ENPP2: variants seen among roughly 807,000 people sequenced by gnomAD.
ENPP2 encodes ectonucleotide pyrophosphatase/phosphodiesterase 2.
ENPP2 carries 51 observed loss-of-function variants against 120.2 expected under a neutral mutation model. That is an observed-to-expected ratio of 0.42 (90% CI 0.34 to 0.54). The LOEUF (loss-of-function observed/expected upper bound fraction) is 0.54. ENPP2 is among the 20% of genes least tolerant of loss of function. ENPP2 has a pLI of 0.04. For missense variants in ENPP2, 920 were observed against 1,066.5 expected, an observed-to-expected ratio of 0.86 and a Z score of 1.91; for synonymous variants, 365 against 366.4, an observed-to-expected ratio of 1.00 and a Z score of 0.04.
upstream of ENPP2, among the ~76,000 whole-genome samples, chr8:119,639,561 T>C (rs1417671190): frequency 6.6e-6 from 1 of 152,016 alleles, no homozygotes; most frequent in Non-Finnish European, 1.5e-5. Flanking sequence ...ATAACTTCAG[T>C]CTCTGCCTCT....
Position 119,619,260 on chromosome 8 carries a change from C to T in ENPP2, c.463G>A (p.Ala155Thr), listed in dbSNP as rs749836696. 1.4e-5 allele frequency: 23 copies of T among 1,611,490 alleles called. No homozygotes were observed. The highest frequency in any genetic ancestry group is 8.9e-5 in the East Asian group (4 of 44,840). ...TACACTTACCCTGCAGGGCATTCTG[C>T]GGCCTTTATTTCCTCACAGTCATCA... is the stretch of plus-strand genomic sequence containing the variant. The part of the protein sequence containing the change: ...VDDDCEEIKA[A>T]ECPAGFVRPP... Residue 155 changes from alanine (A) to threonine (T), a missense_variant, in exon 5 of 25, where the codon GCA becomes ACA. Transcript: ENST00000075322.
rs756251908 is a variant in ENPP2 at position 119,619,251 on chromosome 8, G to A, written c.472C>T (p.Pro158Ser). The A allele has an allele frequency of 1.1e-5, 18 of 1,609,256 alleles. No homozygotes were observed. The highest frequency in any genetic ancestry group is 1.5e-5 in the Non-Finnish European group (18 of 1,176,140). Reference sequence around the variant, plus strand: ...GTCATAAAATACACTTACCCTGCAGGGCATTCTGCGGCCTTTATTTCCTCA... The same window carrying A: ...GTCATAAAATACACTTACCCTGCAGAGCATTCTGCGGCCTTTATTTCCTCA... ...DCEEIKAAEC[P>S]AGFVRPPLII... is the part of the protein sequence containing the mutation. Residue 158 changes from proline (P) to serine (S), a missense_variant, in exon 5 of 25, where the codon CCT becomes TCT. Pro to Ser is a moderately conservative substitution (Grantham distance 74). Coordinates refer to ENST00000075322, the MANE Select transcript of ENPP2 (RefSeq NM_001040092.3).
intron 8 of ENPP2, among the ~76,000 whole-genome samples, chr8:119,615,517 C>T (rs976227334): frequency 1.3e-5 from 2 of 152,154 alleles, no homozygotes; most frequent in African/African-American, 2.4e-5. Context: ...CCACCTACAA[C>T]CCTTTTTATT....
At chr8:119,586,927 C>G in intron 14 of ENPP2, 117 bp downstream of exon 14, 1 of 776,914 alleles carries the variant, frequency 1.3e-6, no homozygotes, top group Non-Finnish European at 2.2e-6. Context: ...GATGGCAGGG[C>G]AGTGAGGAAA....
At chr8:119,631,002 C>A (rs1423759523) in intron 2 of ENPP2, among the ~76,000 whole-genome samples, 1 of 150,676 alleles carries the variant, frequency 6.6e-6, no homozygotes, top group African/African-American at 2.4e-5. Flanking sequence ...TCAAGTGATT[C>A]TCCTGCCTCA....
At chr8:119,616,202 G>A in intron 8 of ENPP2, 63 bp downstream of exon 8, 1 of 1,479,260 alleles carries the variant, frequency 6.8e-7, no homozygotes, top group South Asian at 1.4e-5. Context: ...ACAAATTTGG[G>A]GATGAAATGT....
chr8:119,605,454 G>A lies in ENPP2; in HGVS notation c.833+2468C>T, dbSNP rs541200554. On this transcript the variant is annotated intron_variant, in intron 9 of 24. Transcript: ENST00000075322. Reference sequence around the variant, plus strand: ...TATGTGTGTGTGTGTGTGTGTGTGTGTGTGTGTGTGTATTTTTTTTTTTGA... The same window carrying A: ...TATGTGTGTGTGTGTGTGTGTGTGTATGTGTGTGTGTATTTTTTTTTTTGA... 4.0e-5 allele frequency among the ~76,000 whole-genome samples: 6 copies of A among 149,882 alleles called. No individual in the cohort carries two copies. The South Asian group carries it at 1.1e-3, about 26-fold the overall frequency.
chr8:119,626,183 T>C (rs894239104), intron 3 of ENPP2, among the ~76,000 whole-genome samples: 1 of 152,154 alleles, frequency 6.6e-6, no homozygotes, highest in African/African-American at 2.4e-5. Flanking sequence ...CACAGTGAGA[T>C]GCTATCTCTT....
rs1237761188 is a variant in ENPP2 at position 119,571,944 on chromosome 8, A to G, written c.1781-1103T>C. On this transcript the variant is annotated intron_variant, in intron 19 of 24. Coordinates refer to ENST00000075322, the MANE Select transcript of ENPP2 (RefSeq NM_001040092.3). The stretch of plus-strand genomic sequence containing the variant: ...GCGGATTTGAGACAAAGCGGCCCAC[A>G]CTATTACAACACAAGCCTGTTCTGG... 7.1e-6 allele frequency: 3 copies of G among 419,728 alleles called. No homozygotes were observed. In the East Asian group the frequency reaches 1.1e-4, roughly 16 times the overall value. 26.0% of individuals were successfully genotyped at this position (419,728 alleles called of 1,614,324 possible). A position where few individuals can be genotyped will look rare whatever the true frequency, so the allele number is the denominator to read the frequency against.
chr8:119,580,412 A>G, intron 18 of ENPP2: 1 of 534,716 alleles, frequency 1.9e-6, no homozygotes. Flanking sequence ...AAAACTGTGG[A>G]TAGTCACCAC....
chr8:119,632,275 G>A (rs184695020), intron 2 of ENPP2, among the ~76,000 whole-genome samples: 1 of 152,152 alleles, frequency 6.6e-6, no homozygotes, highest in African/African-American at 2.4e-5. Flanking sequence ...TTACTGAGAT[G>A]GCCGTAACAG....
chr8:119,562,935 A>T lies in ENPP2; in HGVS notation c.2343T>A (p.Pro781=). The change falls in exon 24 of 25, where the codon CCT becomes CCA. Residue 781 remains proline (P), a synonymous_variant. Transcript: ENST00000075322. ...IITSCLDFTQ[P]ADKCDGPLSV... is the part of the protein sequence containing the mutation. ...AGAGAGGGCCGTCACACTTGTCGGC[A>T]GGCTGAGTGAAATCCAGACAGCTGG... 2.5e-6 allele frequency: 4 copies of T among 1,614,196 alleles called. No individual in the cohort carries two copies. Among genetic ancestry groups the T allele is most frequent in the Non-Finnish European group, 3.4e-6 (4 of 1,180,010 alleles).
intron 2 of ENPP2, among the ~76,000 whole-genome samples, chr8:119,631,892 T>C (rs1440487852): frequency 3.3e-5 from 5 of 152,160 alleles, no homozygotes; most frequent in Non-Finnish European, 5.9e-5. Context: ...TCACGTTCCC[T>C]GTCCTTCTCC....
chr8:119,612,549 A>T (rs1405918992), intron 8 of ENPP2, among the ~76,000 whole-genome samples: 1 of 152,142 alleles, frequency 6.6e-6, no homozygotes, highest in Non-Finnish European at 1.5e-5. Context: ...TGTACCACCA[A>T]TACTGGCAGA....
chr8:119,656,999 C>T (rs1018307792), intron 1 of ENPP2, among the ~76,000 whole-genome samples: 14 of 152,090 alleles, frequency 9.2e-5, no homozygotes, highest in African/African-American at 3.1e-4. Flanking sequence ...ACTATCTTGG[C>T]TCAGTGCAAC....
chr8:119,563,469 T>C (rs1027962776), intron 23 of ENPP2, among the ~76,000 whole-genome samples: 1 of 152,120 alleles, frequency 6.6e-6, no homozygotes, highest in African/African-American at 2.4e-5. Context: ...ATAACTTTCC[T>C]AGAGTTGTAT....
chr8:119,606,761 T>C (rs775468219), intron 9 of ENPP2, among the ~76,000 whole-genome samples: 5 of 152,086 alleles, frequency 3.3e-5, no homozygotes, highest in Admixed American at 6.6e-5. Flanking sequence ...CTGGATTAAT[T>C]TGAGCCTGCA....
At chr8:119,665,138 C>T (rs555170502) in intron 1 of ENPP2, among the ~76,000 whole-genome samples, 1 of 152,230 alleles carries the variant, frequency 6.6e-6, no homozygotes, top group South Asian at 2.1e-4. Context: ...ATTTGAATAC[C>T]TCTCTGAAGA....
At chr8:119,565,456 GGAATACC>G (rs1374835472) in intron 22 of ENPP2, among the ~76,000 whole-genome samples, 1 of 152,070 alleles carries the variant, frequency 6.6e-6, no homozygotes, top group Non-Finnish European at 1.5e-5. Context: ...CTAATGCACT[GGAATACC>G]TAATATTCAT....
Sources: allele counts gnomAD v4.1 joint callset (sites outside exome capture counted in the v4.1 genomes callset), GRCh38; gene constraint gnomAD v4.1.1; transcripts MANE v1.5; gene names NCBI Gene and HGNC (gene_info 2026-07-23, HGNC 2026-07-21).